PACS1: variants seen among roughly 807,000 people sequenced by gnomAD.
PACS1 encodes the protein PACS-1.
Under a neutral mutation model 115.0 loss-of-function variants are expected in PACS1, and 24 were observed. The ratio of observed to expected loss-of-function variants is 0.21; its 90% CI spans 0.15 to 0.29. The LOEUF is 0.29. Among genes scored for constraint, PACS1 ranks in the 10% least tolerant of loss-of-function variants. PACS1 has a pLI of 1.00. For missense variants in PACS1, 838 were observed against 1,251.2 expected (o/e 0.67, Z 4.98); for synonymous variants, 453 against 504.5 (o/e 0.90, Z 1.37).
intron 1 of PACS1, among the ~76,000 whole-genome samples, chr11:66,121,671 C>T (rs942394100): frequency 6.6e-6 from 1 of 152,170 alleles, no homozygotes; most frequent in Non-Finnish European, 1.5e-5. Context: ...GAGAAAGTTT[C>T]AGTGATCTGG....
intron 13 of PACS1, 183 bp from the exon 14 acceptor site, chr11:66,231,989 C>A: frequency 1.8e-6 from 1 of 566,012 alleles, no homozygotes; most frequent in Non-Finnish European, 3.2e-6. Flanking sequence ...CGCTTTGCTG[C>A]TTCTTTCTCC....
At chr11:66,110,928 C>G (rs1858173884) in intron 1 of PACS1, among the ~76,000 whole-genome samples, 1 of 152,148 alleles carries the variant, frequency 6.6e-6, no homozygotes, top group Non-Finnish European at 1.5e-5. Context: ...CCAACCCTCC[C>G]AAGTCTAAGT....
In PACS1 at chr11:66,243,022, A is replaced by G. The variant is rs1565161546; in HGVS notation, c.2767A>G (p.Met923Val). 6.2e-7 allele frequency: 1 copy of G among 1,613,898 alleles called. No homozygotes were observed. ...CTGCTCAGCCAAGCAGCAGCAGACT[A>G]TGCTGAGAGGTGCGAGGGCAGGCAG... is the stretch of plus-strand genomic sequence containing the variant. Reference protein sequence around the residue: ...LICSAKQQQTMLRVSIDGVEW... With the variant: ...LICSAKQQQTVLRVSIDGVEW... Residue 923 changes from methionine (M) to valine (V), a missense_variant, in exon 23 of 24, where the codon ATG becomes GTG. Met to Val is a conservative substitution (Grantham distance 21). Transcript: ENST00000320580.
chr11:66,192,803 C>T (rs898256593), intron 1 of PACS1, among the ~76,000 whole-genome samples: 1 of 151,758 alleles, frequency 6.6e-6, no homozygotes, highest in Non-Finnish European at 1.5e-5. Context: ...AAAGTCAGAG[C>T]AGAGTTACTG....
At chr11:66,160,583 A>T (rs138132318) in intron 1 of PACS1, among the ~76,000 whole-genome samples, 1 of 151,932 alleles carries the variant, frequency 6.6e-6, no homozygotes, top group African/African-American at 2.4e-5. Flanking sequence ...TGTATCCTCA[A>T]TCTCCTGGGC....
chr11:66,163,858 T>G (rs1023732609), intron 1 of PACS1, among the ~76,000 whole-genome samples: 32 of 152,212 alleles, frequency 2.1e-4, no homozygotes, highest in African/African-American at 7.7e-4. Flanking sequence ...CCCAGCTGAT[T>G]ATACAATGCT....
chr11:66,139,293 TG>T (rs1310918840), intron 1 of PACS1, among the ~76,000 whole-genome samples: 1 of 152,192 alleles, frequency 6.6e-6, no homozygotes, highest in Non-Finnish European at 1.5e-5. Context: ...TGAGGGTAAG[TG>T]GGGTGTCCAA....
At chr11:66,085,417 G>A (rs1359806407) in intron 1 of PACS1, among the ~76,000 whole-genome samples, 2 of 152,182 alleles carry the variant, frequency 1.3e-5, no homozygotes, top group African/African-American at 4.8e-5. Context: ...AGGACTCAGA[G>A]TTTGCAGTTT....
intron 2 of PACS1, among the ~76,000 whole-genome samples, chr11:66,203,832 TC>T (rs1854872252): frequency 1.3e-5 from 2 of 151,680 alleles, no homozygotes; most frequent in South Asian, 4.2e-4. Flanking sequence ...CTGTTGTCTC[TC>T]ACTATATACA....
intron 1 of PACS1, among the ~76,000 whole-genome samples, chr11:66,115,474 T>A (rs1199224892): frequency 1.3e-5 from 2 of 152,228 alleles, no homozygotes; most frequent in Non-Finnish European, 2.9e-5. Context: ...GAAACCTGTC[T>A]TTCCATCTCC....
intron 1 of PACS1, among the ~76,000 whole-genome samples, chr11:66,172,836 C>T (rs1859769283): frequency 6.6e-6 from 1 of 151,878 alleles, no homozygotes; most frequent in Non-Finnish European, 1.5e-5. Flanking sequence ...ATTAGCTGGG[C>T]GTGGTGGCGC....
intron 1 of PACS1, among the ~76,000 whole-genome samples, chr11:66,129,109 T>G (rs981036450): frequency 2.6e-5 from 4 of 152,064 alleles, no homozygotes; most frequent in Non-Finnish European, 5.9e-5. Context: ...TAAATTATAC[T>G]GTAATGTCAA....
rs532454525 is a variant in PACS1, at chr11:66,212,867, C to T, written c.660+1608C>T. Among the ~76,000 whole-genome samples, 17 of 152,138 alleles carry T rather than the reference C, an allele frequency of 1.1e-4. No individual in the cohort carries two copies. In the East Asian group the frequency reaches 2.3e-3, roughly 21 times the overall value. On this transcript the variant is annotated intron_variant, in intron 4 of 23. Coordinates refer to ENST00000320580, the MANE Select transcript of PACS1 (RefSeq NM_018026.4). ...TTGGCTTTATTTATTTATTTATTTT[C>T]GAGACAGAGTCTCACTTCATCACCC... is the stretch of plus-strand genomic sequence containing the variant.
chr11:66,188,778 C>A (rs2134666766), intron 1 of PACS1, among the ~76,000 whole-genome samples: 1 of 152,272 alleles, frequency 6.6e-6, no homozygotes, highest in East Asian at 1.9e-4. Context: ...ATCCTCACAA[C>A]TATATCTAGG....
chr11:66,093,881 G>A (rs61895596), intron 1 of PACS1, among the ~76,000 whole-genome samples: 2,542 of 152,230 alleles, frequency 0.017, 29 homozygotes, highest in Non-Finnish European at 0.027. Context: ...TAGAACTCAG[G>A]ATTAAGAATC....
intron 1 of PACS1, among the ~76,000 whole-genome samples, chr11:66,162,120 T>G (rs969155133): frequency 4.9e-5 from 6 of 122,700 alleles, no homozygotes; most frequent in African/African-American, 9.1e-5. Flanking sequence ...TGGTTTTTTT[T>G]TTTTTTTTTT....
chr11:66,100,612 TTAAAA>T (rs1292021805), intron 1 of PACS1, among the ~76,000 whole-genome samples: 2 of 152,240 alleles, frequency 1.3e-5, no homozygotes, highest in African/African-American at 2.4e-5. Flanking sequence ...AAGTTATCAC[TTAAAA>T]TAAGGGAAGA....
At chr11:66,223,250 C>T (rs1454945058) in intron 10 of PACS1, among the ~76,000 whole-genome samples, 2 of 151,982 alleles carry the variant, frequency 1.3e-5, no homozygotes, top group African/African-American at 4.8e-5. Context: ...GTGCCACCCA[C>T]ACCCGGCTAA....
At chr11:66,116,904 A>C (rs974576297) in intron 1 of PACS1, among the ~76,000 whole-genome samples, 4 of 151,988 alleles carry the variant, frequency 2.6e-5, no homozygotes, top group Non-Finnish European at 4.4e-5. Flanking sequence ...ACAAAAAAAA[A>C]AACAACTCAG....
Sources: allele counts gnomAD v4.1 joint callset (sites outside exome capture counted in the v4.1 genomes callset), GRCh38; gene constraint gnomAD v4.1.1; transcripts MANE v1.5; gene names NCBI Gene and HGNC (gene_info 2026-07-23, HGNC 2026-07-21).